SACS: variants seen among roughly 807,000 people sequenced by gnomAD.
SACS encodes sacsin molecular chaperone.
A neutral mutation model predicts 348.0 loss-of-function variants in SACS; 197 were observed. That is an observed-to-expected ratio of 0.57 (90% CI 0.50 to 0.64). SACS has a LOEUF of 0.64. Among genes scored for constraint, SACS ranks in the 30% least tolerant of loss-of-function variants. The probability of loss-of-function intolerance (pLI) is 0.00; values close to 1 mark genes in which losing one functional copy is unlikely to be tolerated. For missense variants in SACS, 4,999 were observed against 5,360.8 expected, an observed-to-expected ratio of 0.93 and a Z score of 2.11; for synonymous variants, 1,985 against 1,910.6, an observed-to-expected ratio of 1.04 and a Z score of -1.02.
At chr13:23,347,617 T>C (rs1869690986) in intron 9 of SACS, among the ~76,000 whole-genome samples, 1 of 152,212 alleles carries the variant, frequency 6.6e-6, no homozygotes, top group East Asian at 1.9e-4. Context: ...AATGGACAAC[T>C]AGACATGGTC....
chr13:23,344,390 C>T (rs1869470184), intron 9 of SACS, among the ~76,000 whole-genome samples: 1 of 151,240 alleles, frequency 6.6e-6, no homozygotes, highest in African/African-American at 2.4e-5. Context: ...GCCAACAAAA[C>T]ACACACACAC....
In SACS at chr13:23,334,143, T is replaced by G; in HGVS notation, c.9733A>C (p.Lys3245Gln). 2.5e-6 allele frequency: 4 copies of G among 1,613,950 alleles called. No individual in the cohort carries two copies. The highest frequency in any genetic ancestry group is 3.4e-6 in the Non-Finnish European group (4 of 1,179,840). ...KDNFASESWL[K>Q]NAWHFISESV... is the part of the protein sequence containing the mutation. ...TCACTAATAAAATGCCATGCATTCT[T>G]AAGCCAAGACTCACTTGCAAAATTG... The change falls in exon 10 of 10, where the codon AAG becomes CAG. Residue 3245 changes from lysine (K) to glutamine (Q), a missense_variant. By Grantham distance (53) the Lys-to-Gln change is moderately conservative (BLOSUM62 1). Coordinates refer to ENST00000382292, the MANE Select transcript of SACS (RefSeq NM_014363.6).
At chr13:23,399,929 C>T (rs1303467229) in intron 2 of SACS, among the ~76,000 whole-genome samples, 4 of 152,186 alleles carry the variant, frequency 2.6e-5, no homozygotes, top group African/African-American at 9.7e-5. Context: ...GATAAGCCCC[C>T]TCACCCTAAA....
intron 2 of SACS, among the ~76,000 whole-genome samples, chr13:23,380,842 A>AG (rs1872024393): frequency 6.6e-6 from 1 of 152,206 alleles, no homozygotes; most frequent in Admixed American, 6.5e-5. Context: ...AGATGACCCG[A>AG]GGGGACATGC....
intron 3 of SACS, among the ~76,000 whole-genome samples, chr13:23,371,398 T>C (rs1444179742): frequency 6.6e-6 from 1 of 152,228 alleles, no homozygotes; most frequent in Non-Finnish European, 1.5e-5. Context: ...TAAAAATATA[T>C]ATATTTCTCC....
chr13:23,360,615 TG>T (rs1870668647), intron 6 of SACS, among the ~76,000 whole-genome samples: 1 of 152,176 alleles, frequency 6.6e-6, no homozygotes, highest in Non-Finnish European at 1.5e-5. Context: ...ACTGGACAGC[TG>T]ACCGCTGACC....
chr13:23,408,919 G>A (rs991751618), intron 2 of SACS, among the ~76,000 whole-genome samples: 14 of 150,506 alleles, frequency 9.3e-5, no homozygotes, highest in Admixed American at 8.6e-4. Flanking sequence ...CCGAGATTGC[G>A]CCACTGCACT....
At chr13:23,351,851 AACC>A (rs773556849) in intron 9 of SACS, among the ~76,000 whole-genome samples, 2 of 152,202 alleles carry the variant, frequency 1.3e-5, no homozygotes, top group Non-Finnish European at 2.9e-5. Flanking sequence ...CAAGAAAACT[AACC>A]AAGACCAGAG....
At position 23,332,280 on chromosome 13, in the gene SACS, C is replaced by T. The variant is rs1215588638; in HGVS notation, c.11596G>A (p.Gly3866Ser). 5 of 1,613,752 alleles carry T rather than the reference C, an allele frequency of 3.1e-6. No individual in the cohort carries two copies. The Admixed American group carries it at 6.7e-5, about 22-fold the overall frequency. ...VLSRIFKNSE[G>S]KQLDPNEMRT... ...ATTTCATTAGGATCTAATTGTTTGC[C>T]CTCAGAATTTTTAAATATGCGGCTC... Residue 3866 changes from glycine to serine, a missense_variant, in exon 10 of 10, where the codon GGC becomes AGC. By Grantham distance (56) the Gly-to-Ser change is moderately conservative. Around this residue, in one of 6 missense-constraint regions of SACS, gnomAD observed 831 missense variants for 941.8 expected, o/e 0.88. Coordinates refer to ENST00000382292, the MANE Select transcript of SACS (RefSeq NM_014363.6).
At chr13:23,394,804 G>A (rs990990117) in intron 2 of SACS, among the ~76,000 whole-genome samples, 10 of 152,172 alleles carry the variant, frequency 6.6e-5, no homozygotes, top group African/African-American at 9.7e-5. Flanking sequence ...GCAGTGAATC[G>A]AGATCGCGCA....
At chr13:23,365,785 G>A (rs1871028164) in intron 5 of SACS, among the ~76,000 whole-genome samples, 2 of 152,114 alleles carry the variant, frequency 1.3e-5, no homozygotes, top group East Asian at 1.9e-4. Context: ...GAGAGCCTGA[G>A]ATATAAAAAT....
chr13:23,353,818 C>T lies in SACS; in HGVS notation c.2152G>A (p.Val718Met). ...FILDNLKPHL[V>M]AALKEAAQTR... ...TGGGCAGCTTCCTTTAAAGCAGCCA[C>T]AAGGTGAGGTTTCAAGTTATCCAAA... Residue 718 changes from valine to methionine, a missense_variant, in exon 9 of 10, where the codon GTG becomes ATG. Val to Met is a conservative substitution (Grantham distance 21). Around this residue, in one of 6 missense-constraint regions of SACS, gnomAD observed 3,156 missense variants for 3,380.1 expected, o/e 0.93. Transcript: ENST00000382292. 6.2e-7 allele frequency: 1 copy of T among 1,610,778 alleles called. No individual in the cohort carries two copies. The highest frequency in any genetic ancestry group is 8.5e-7 in the Non-Finnish European group (1 of 1,177,256).
chr13:23,414,485 T>C (rs1260616675), intron 1 of SACS, among the ~76,000 whole-genome samples: 1 of 152,196 alleles, frequency 6.6e-6, no homozygotes, highest in Non-Finnish European at 1.5e-5. Flanking sequence ...CAGAGCAGTA[T>C]TGATCTCAGT....
intron 1 of SACS, among the ~76,000 whole-genome samples, chr13:23,431,605 T>C (rs1874436074): frequency 6.6e-6 from 1 of 152,236 alleles, no homozygotes. Flanking sequence ...GTAGTCCTCA[T>C]GTAGGCTCAT....
chr13:23,350,848 T>C (rs1050330750), intron 9 of SACS, among the ~76,000 whole-genome samples: 1 of 152,112 alleles, frequency 6.6e-6, no homozygotes, highest in Non-Finnish European at 1.5e-5. Flanking sequence ...ACTTACATGA[T>C]TGGTAAGTTG....
rs1484979406 is a variant in SACS, at chr13:23,355,572, T to C, written c.1040A>G (p.Asn347Ser). ...ESKALKHERP[N>S]SIKILGTAIS... ...AGCAGTTCCCAGAATCTTTATAGAA[T>C]TCGGCCGCTCATGTTTCAGTGCCTT... Residue 347 changes from asparagine to serine, a missense_variant, in exon 8 of 10, where the codon AAT (asparagine) becomes AGT (serine). Asn to Ser is a conservative substitution (Grantham distance 46). Transcript: ENST00000382292. The C allele has an allele frequency of 6.2e-7, 1 of 1,614,182 alleles. No individual in the cohort carries two copies. The highest frequency in any genetic ancestry group is 1.7e-5 in the Admixed American group (1 of 60,024).
At chr13:23,406,518 T>TA (rs1469729542) in intron 2 of SACS, among the ~76,000 whole-genome samples, 2 of 129,082 alleles carry the variant, frequency 1.5e-5, no homozygotes, top group Non-Finnish European at 3.6e-5. Context: ...TCCCAAAACT[T>TA]AAAGTATAAT....
chr13:23,396,738 T>C (rs11618590), intron 2 of SACS, among the ~76,000 whole-genome samples: 22,814 of 152,166 alleles, frequency 0.15, 1,896 homozygotes, highest in South Asian at 0.27. Context: ...CATGTGTATG[T>C]TAACTGAAAA....
At position 23,340,834 on chromosome 13, in the gene SACS, T is replaced by C. The variant is rs141982796; in HGVS notation, c.3042A>G (p.Leu1014=). The C allele has an allele frequency of 6.3e-5, 101 of 1,604,488 alleles. 1 individual carries two copies. In the African/African-American group the frequency reaches 1.1e-3, roughly 17 times the overall value. Residue 1014 remains leucine, a synonymous_variant, in exon 10 of 10, where the codon TTA becomes TTG. Transcript: ENST00000382292. ...GAGAAGATAGATTCTCAAGGACCCATAACATAAGCTGTGTTACCTCTTCAT... is the reference window on the plus strand; with the variant it reads ...GAGAAGATAGATTCTCAAGGACCCACAACATAAGCTGTGTTACCTCTTCAT... The part of the protein sequence containing the change: ...YSHEEVTQLM[L]WVLENLSSLK...
Sources: allele counts gnomAD v4.1 joint callset (sites outside exome capture counted in the v4.1 genomes callset), GRCh38; gene constraint gnomAD v4.1.1; regional missense constraint gnomAD v4.1.1; transcripts MANE v1.5; gene names NCBI Gene and HGNC (gene_info 2026-07-23, HGNC 2026-07-21).